KMT2A: variants seen among roughly 807,000 people sequenced by gnomAD.
KMT2A encodes the protein lysine methyltransferase 2A.
Under a neutral mutation model 345.3 loss-of-function variants are expected in KMT2A, and 16 were observed. That is an observed-to-expected ratio of 0.05 (90% confidence interval 0.03 to 0.07). The LOEUF (loss-of-function observed/expected upper bound fraction) is 0.07. Among genes scored for constraint, KMT2A ranks in the 10% least tolerant of loss-of-function variants. The probability of loss-of-function intolerance (pLI) is 1.00; values close to 1 mark genes in which losing one functional copy is unlikely to be tolerated. For synonymous variants in KMT2A, 1,599 were observed against 1,778.6 expected (o/e 0.90, Z 2.54); for missense variants, 3,272 against 4,841.6 (o/e 0.68, Z 9.62).
chr11:118,517,395 C>CT (rs1950841413), intron 31 of KMT2A, among the ~76,000 whole-genome samples: 1 of 113,914 alleles, frequency 8.8e-6, no homozygotes, highest in Non-Finnish European at 1.7e-5. Context: ...GACTCTGTCT[C>CT]AAAAAAAAAA....
In KMT2A at chr11:118,493,278, T is replaced by G. The variant is rs1555043116; in HGVS notation, c.5178+48T>G. 2.6e-6 allele frequency: 4 copies of G among 1,511,020 alleles called. No individual in the cohort carries two copies. Among genetic ancestry groups the G allele is most frequent in the Admixed American group, 1.7e-5 (1 of 57,612 alleles). 93.6% of individuals were successfully genotyped at this position (1,511,020 alleles called of 1,614,324 possible). A position where few individuals can be genotyped will look rare whatever the true frequency, so the allele number is the denominator to read the frequency against. On this transcript the variant is annotated intron_variant, in intron 16 of 35. Transcript: ENST00000534358. The surrounding 1 kb of genome is among the most constrained non-coding windows in gnomAD (Gnocchi z 5.8). Reference sequence around the variant, plus strand: ...CAGAATTTCTAGTGCCAATAAAGCTTCTTTGGACCTTTGGGGCATGAAACT... The same window carrying G: ...CAGAATTTCTAGTGCCAATAAAGCTGCTTTGGACCTTTGGGGCATGAAACT...
rs1279929414 is a variant in KMT2A at position 118,505,008 on chromosome 11, C to A, written c.9116C>A (p.Ser3039Tyr). Residue 3039 changes from serine to tyrosine, a missense_variant, in exon 27 of 36, where the codon TCC (serine) becomes TAC (tyrosine). By Grantham distance (144) the Ser-to-Tyr change is moderately radical. Around this residue, in one of 27 missense-constraint regions of KMT2A, gnomAD observed 748 missense variants for 922.2 expected, o/e 0.81. Transcript: ENST00000534358. The surrounding 1 kb of genome is among the most constrained non-coding windows in gnomAD (Gnocchi z 4.6). Reference sequence around the variant, plus strand: ...ACCCCTGGCCTTCAGGTACCTGTTTCCCCAACTGTTCCCATCCAGAACCAG... The same window carrying A: ...ACCCCTGGCCTTCAGGTACCTGTTTACCCAACTGTTCCCATCCAGAACCAG... Reference protein sequence around the residue: ...SSTPGLQVPVSPTVPIQNQKY... With the variant: ...SSTPGLQVPVYPTVPIQNQKY... The A allele has an allele frequency of 6.2e-7, 1 of 1,613,990 alleles. No homozygotes were observed. Among genetic ancestry groups the A allele is most frequent in the Non-Finnish European group, 8.5e-7 (1 of 1,180,014 alleles).
rs782754391 is a variant in KMT2A at position 118,471,925 on chromosome 11, A to G, written c.766A>G (p.Ile256Val). The G allele has an allele frequency of 1.9e-6, 3 of 1,614,122 alleles. No homozygotes were observed. In the Admixed American group the frequency reaches 5.0e-5, roughly 27 times the overall value. ...KGNKEDSLKK[I>V]KRTPSATFQQ... ...AAACAAAGAAGATAGCCTGAAAAAA[A>G]TTAAAAGGACACCTTCTGCTACGTT... is the stretch of plus-strand genomic sequence containing the variant. Residue 256 changes from isoleucine (I) to valine (V), a missense_variant, in exon 3 of 36, where the codon ATT becomes GTT. Ile to Val is a conservative substitution (Grantham distance 29, BLOSUM62 3). This residue lies in a region of KMT2A where 412 missense variants were observed against 511.0 expected (regional missense o/e 0.81). Coordinates refer to ENST00000534358, the MANE Select transcript of KMT2A (RefSeq NM_001197104.2).
Position 118,523,825 on chromosome 11 carries a change from A to C in KMT2A, c.*1653A>C, listed in dbSNP as rs1395110323. The C allele has an allele frequency of 9.5e-6, 2 of 209,578 alleles. No homozygotes were observed. Among genetic ancestry groups the C allele is most frequent in the Non-Finnish European group, 1.9e-5 (2 of 103,266 alleles). The allele number at this position is 209,578 out of a possible 1,614,324, so 13.0% of individuals were successfully genotyped here. A position where few individuals can be genotyped will look rare whatever the true frequency, so the allele number is the denominator to read the frequency against. ...AGCTTGTTTGTGCCCTGTTGACATA[A>C]ATGTTTCCTGGGTTTGCTCTTTGAC... On this transcript the variant is annotated 3_prime_UTR_variant, in exon 36 of 36. Transcript: ENST00000534358.
In KMT2A at chr11:118,522,952, G is replaced by A. The variant is rs1187252423; in HGVS notation, c.*780G>A. 8.9e-6 allele frequency: 2 copies of A among 225,802 alleles called. No homozygotes were observed. The highest frequency in any genetic ancestry group is 1.8e-5 in the Non-Finnish European group (2 of 113,232). The allele number at this position is 225,802 out of a possible 1,614,324, so 14.0% of individuals were successfully genotyped here. On this transcript the variant is annotated 3_prime_UTR_variant, in exon 36 of 36. Transcript: ENST00000534358. This position sits in a 1 kb window ranked among gnomAD's most constrained non-coding sequence, Gnocchi z 5.4. ...TCCCATGCTTCTTTCGGGTTGTAGG[G>A]GAGACTGACTGCCTGCTCAAGGACA...
chr11:118,519,751 C>T lies in KMT2A; in HGVS notation c.11280C>T (p.Pro3760=), dbSNP rs2135283517. Residue 3760 remains proline, a synonymous_variant, in exon 32 of 36, where the codon CCC becomes CCT. Coordinates refer to ENST00000534358, the MANE Select transcript of KMT2A (RefSeq NM_001197104.2). ...AGCCAGAGGAGGCCAATGAACCCCCCTTGAACCCTCACGGCTCAGCCAGGG... is the reference window on the plus strand; with the variant it reads ...AGCCAGAGGAGGCCAATGAACCCCCTTTGAACCCTCACGGCTCAGCCAGGG... ...FHKPEEANEP[P]LNPHGSARAE... 1.2e-6 allele frequency: 2 copies of T among 1,614,130 alleles called. No individual in the cohort carries two copies. The highest frequency in any genetic ancestry group is 2.2e-5 in the South Asian group (2 of 91,088).
rs2134385123 is a variant in KMT2A, at chr11:118,502,552, T to C, written c.6660T>C (p.Asn2220=). 6.2e-7 allele frequency: 1 copy of C among 1,614,148 alleles called. No individual in the cohort carries two copies. The highest frequency in any genetic ancestry group is 1.1e-5 in the South Asian group (1 of 91,072). Residue 2220 remains asparagine (N), a synonymous_variant, in exon 27 of 36, where the codon AAT becomes AAC. Coordinates refer to ENST00000534358, the MANE Select transcript of KMT2A (RefSeq NM_001197104.2). The surrounding 1 kb of genome is among the most constrained non-coding windows in gnomAD (Gnocchi z 4.9). ...TAATGTCTCCAATGAGAACTGGGAA[T>C]ACTTACTCTAGGAATAATGTTTCCT... ...LRIMSPMRTG[N]TYSRNNVSSV...
At chr11:118,437,630 C>T (rs1555139086) in intron 1 of KMT2A, among the ~76,000 whole-genome samples, 2 of 150,878 alleles carry the variant, frequency 1.3e-5, no homozygotes, top group African/African-American at 4.9e-5. Context: ...GGTCTCACCT[C>T]CTTTCCCTCT....
rs782707495 is a variant in KMT2A at position 118,502,685 on chromosome 11, A to C, written c.6793A>C (p.Thr2265Pro). 118 of 1,613,954 alleles carry C rather than the reference A, an allele frequency of 7.3e-5. No individual in the cohort carries two copies. Among genetic ancestry groups the C allele is most frequent in the Non-Finnish European group, 9.7e-5 (115 of 1,180,008 alleles). The change falls in exon 27 of 36, where the codon ACC becomes CCC. Residue 2265 changes from threonine (T) to proline (P), a missense_variant. By Grantham distance (38) the Thr-to-Pro change is conservative. This residue lies in a region of KMT2A where 445 missense variants were observed against 500.9 expected (regional missense o/e 0.89). Transcript: ENST00000534358. The surrounding 1 kb of genome is among the most constrained non-coding windows in gnomAD (Gnocchi z 4.9). ...SSTSLGQNTSTSSNLQRTVVT... is the reference protein window; with the variant it reads ...SSTSLGQNTSPSSNLQRTVVT... ...TACTAGTTTAGGGCAAAACACTTCC[A>C]CCTCTTCAAATTTGCAAAGGACAGT...
At chr11:118,501,895 C>T in intron 26 of KMT2A, 38 bp downstream of exon 26, 4 of 1,508,846 alleles carry the variant, frequency 2.7e-6, no homozygotes, top group Middle Eastern at 1.7e-4. Context: ...CTAAGAAGAT[C>T]AGCCCAAAGA....
chr11:118,439,258 C>T (rs1417534036), intron 1 of KMT2A: 2 of 355,646 alleles, frequency 5.6e-6, no homozygotes, highest in Middle Eastern at 8.2e-4. Context: ...ATTTTAGCCC[C>T]ATGTATATTT....
At chr11:118,448,512 G>A (rs924463733) in intron 1 of KMT2A, 2 of 152,112 alleles carry the variant, frequency 1.3e-5, no homozygotes, top group African/African-American at 4.8e-5. Flanking sequence ...ATGAAAACTT[G>A]AATTGGGATT....
At chr11:118,441,024 A>G (rs1211524968) in intron 1 of KMT2A, among the ~76,000 whole-genome samples, 5 of 152,134 alleles carry the variant, frequency 3.3e-5, no homozygotes, top group African/African-American at 1.2e-4. Flanking sequence ...TCTGATCTGT[A>G]AAATGAAAAG....
At position 118,488,759 on chromosome 11, in the gene KMT2A, A is replaced by T; in HGVS notation, c.4478A>T (p.Lys1493Met). The T allele has an allele frequency of 6.2e-7, 1 of 1,614,020 alleles. No homozygotes were observed. The highest frequency in any genetic ancestry group is 8.5e-7 in the Non-Finnish European group (1 of 1,179,954). Reference sequence around the variant, plus strand: ...TGTGGAAGGCAACATCAGGCTACAAAGGTACAAAACTTGGTAATAGAACTA... The same window carrying T: ...TGTGGAAGGCAACATCAGGCTACAATGGTACAAAACTTGGTAATAGAACTA... The part of the protein sequence containing the change: ...HVCGRQHQAT[K>M]QLLECNKCRN... Residue 1493 changes from lysine (K) to methionine (M), a missense_variant and splice_region_variant, in exon 11 of 36, where the codon AAG becomes ATG. Lys to Met is a moderately conservative substitution (Grantham distance 95). This residue lies in a region of KMT2A where 120 missense variants were observed against 280.4 expected (regional missense o/e 0.43). Transcript: ENST00000534358.
At position 118,481,913 on chromosome 11, in the gene KMT2A, C is replaced by A. The variant is rs782725093; in HGVS notation, c.3833C>A (p.Ala1278Asp). ...EEKSEEGNVSAPGPESKQATT... is the reference protein window; with the variant it reads ...EEKSEEGNVSDPGPESKQATT... ...AAGAGTGAAGAAGGGAATGTCTCGG[C>A]CCCTGGGCCTGAATCCAAACAGGCC... The change falls in exon 7 of 36, where the codon GCC (alanine) becomes GAC (aspartate). Residue 1278 changes from alanine (A) to aspartate (D), a missense_variant. By Grantham distance (126) the Ala-to-Asp change is moderately radical (BLOSUM62 -2). Around this residue, in one of 27 missense-constraint regions of KMT2A, gnomAD observed 168 missense variants for 216.0 expected, o/e 0.78. Transcript: ENST00000534358. 29 of 1,614,082 alleles carry A rather than the reference C, an allele frequency of 1.8e-5. No individual in the cohort carries two copies. The highest frequency in any genetic ancestry group is 2.5e-5 in the Non-Finnish European group (29 of 1,180,052).
chr11:118,438,941 A>G (rs994294121), intron 1 of KMT2A: 17 of 430,514 alleles, frequency 3.9e-5, no homozygotes, highest in Non-Finnish European at 6.6e-5. Context: ...AGGCAGCTGC[A>G]GTCAGCAGGG....
At chr11:118,455,106 G>T (rs902603963) in intron 1 of KMT2A, among the ~76,000 whole-genome samples, 1 of 152,120 alleles carries the variant, frequency 6.6e-6, no homozygotes, top group Non-Finnish European at 1.5e-5. Context: ...GTTCACTGCA[G>T]CCTCAAACTC....
intron 1 of KMT2A, among the ~76,000 whole-genome samples, chr11:118,461,525 C>T (rs927705516): frequency 2.0e-5 from 3 of 152,122 alleles, no homozygotes; most frequent in African/African-American, 4.8e-5. Context: ...ATCTAGTCTC[C>T]AAGGACATCA....
rs1555047752 is a variant in KMT2A at position 118,505,432 on chromosome 11, C to T, written c.9540C>T (p.Ile3180=). ...CTCAAAGTAGTTTCCCACCAAACAT[C>T]AGCAATCCTCCTTCAGGCCTGCTTA... ...AATQSSFPPN[I]SNPPSGLLIG... The change falls in exon 27 of 36, where the codon ATC becomes ATT. Residue 3180 remains isoleucine, a synonymous_variant. Coordinates refer to ENST00000534358, the MANE Select transcript of KMT2A (RefSeq NM_001197104.2). The surrounding 1 kb of genome is among the most constrained non-coding windows in gnomAD (Gnocchi z 4.6). 6.2e-7 allele frequency: 1 copy of T among 1,614,208 alleles called. No homozygotes were observed. The highest frequency in any genetic ancestry group is 8.5e-7 in the Non-Finnish European group (1 of 1,180,032).
Sources: allele counts gnomAD v4.1 joint callset (sites outside exome capture counted in the v4.1 genomes callset), GRCh38; gene constraint gnomAD v4.1.1; regional missense constraint gnomAD v4.1.1; non-coding constraint Gnocchi (gnomAD v3.1); transcripts MANE v1.5; gene names NCBI Gene and HGNC (gene_info 2026-07-23, HGNC 2026-07-21).